FGFRL1: variants seen among roughly 807,000 people sequenced by gnomAD.
FGFRL1 encodes fibroblast growth factor receptor like 1, also known as fibroblast growth factor receptor-like 1.
A neutral mutation model predicts 36.8 loss-of-function variants in FGFRL1; 24 were observed. The observed-to-expected ratio is 0.65, with a 90% CI of 0.47 to 0.92. FGFRL1 has a LOEUF of 0.92. FGFRL1 is among the 40% of genes least tolerant of loss of function. The probability of loss-of-function intolerance (pLI) is 0.00; values close to 1 mark genes in which losing one functional copy is unlikely to be tolerated. For missense variants in FGFRL1, 785 were observed against 753.4 expected, an observed-to-expected ratio of 1.04 and a Z score of -0.49; for synonymous variants, 422 against 344.1, an observed-to-expected ratio of 1.23 and a Z score of -2.50.
intron 2 of FGFRL1, among the ~76,000 whole-genome samples, chr4:1,021,620 G>C (rs1162713032): frequency 6.6e-6 from 1 of 152,172 alleles, no homozygotes; most frequent in African/African-American, 2.4e-5. Context: ...GGCTCAGGCA[G>C]CCCGCCGTGC....
chr4:1,018,867 A>G (rs1716029430), intron 2 of FGFRL1, among the ~76,000 whole-genome samples: 1 of 151,980 alleles, frequency 6.6e-6, no homozygotes, highest in African/African-American at 2.4e-5. Flanking sequence ...TGGGCCGGCA[A>G]CAGCAGGGGG....
In FGFRL1 at chr4:1,024,121, C is replaced by A. The variant is rs1716360243; in HGVS notation, c.718+20C>A. 1 of 1,384,858 alleles carries A rather than the reference C, an allele frequency of 7.2e-7. No individual in the cohort carries two copies. Among genetic ancestry groups the A allele is most frequent in the African/African-American group, 1.5e-5 (1 of 66,674 alleles). 85.8% of individuals were successfully genotyped at this position (1,384,858 alleles called of 1,614,324 possible). A position where few individuals can be genotyped will look rare whatever the true frequency, so the allele number is the denominator to read the frequency against. ...TGATCCGTGAGTGTGGCCCCGGGCG[C>A]TGGCGGGCGGGGGGTGCTGGTGGGC... On this transcript the variant is annotated intron_variant, in intron 5 of 6. Transcript: ENST00000510644.
In FGFRL1 at chr4:1,025,034, C is replaced by T. The variant is rs1330221153; in HGVS notation, c.1202C>T (p.Ala401Val). ...LGTLLLWLCQ[A>V]QKKPCTPAPA... ...ACCCTGCTCCTGTGGCTTTGCCAGGCCCAGAAGAAGCCGTGCACCCCCGCG... is the reference window on the plus strand; with the variant it reads ...ACCCTGCTCCTGTGGCTTTGCCAGGTCCAGAAGAAGCCGTGCACCCCCGCG... Residue 401 changes from alanine (A) to valine (V), a missense_variant, in exon 7 of 7, where the codon GCC becomes GTC. Physicochemically the swap from Ala to Val is moderately conservative, Grantham distance 64. Transcript: ENST00000510644. The T allele has an allele frequency of 6.2e-7, 1 of 1,611,064 alleles. No homozygotes were observed. The highest frequency in any genetic ancestry group is 1.1e-5 in the South Asian group (1 of 91,054).
intron 3 of FGFRL1, among the ~76,000 whole-genome samples, chr4:1,022,795 C>A (rs562793728): frequency 1.1e-4 from 16 of 152,156 alleles, no homozygotes; most frequent in African/African-American, 3.4e-4. Flanking sequence ...TGCCGGCCGT[C>A]GGCTGTGACT....
intron 2 of FGFRL1, among the ~76,000 whole-genome samples, chr4:1,019,261 A>T (rs995727883): frequency 6.6e-6 from 1 of 152,318 alleles, no homozygotes; most frequent in South Asian, 2.1e-4. Flanking sequence ...GGGCTGGGTC[A>T]GTGTGCTCCC....
chr4:1,025,689 A>G lies in FGFRL1; in HGVS notation c.*342A>G. On this transcript the variant is annotated 3_prime_UTR_variant, in exon 7 of 7. Transcript: ENST00000510644. ...AGAACATACAAGGACATGCTGCCTG[A>G]ACATACACACGCACACCCATGCGCA... 2.5e-6 allele frequency: 1 copy of G among 401,928 alleles called. No homozygotes were observed. The highest frequency in any genetic ancestry group is 4.6e-6 in the Non-Finnish European group (1 of 218,662). The allele number at this position is 401,928 out of a possible 1,614,324, so 24.9% of individuals were successfully genotyped here.
Position 1,012,181 on chromosome 4 carries a change from G to C in FGFRL1, c.-17+227G>C, listed in dbSNP as rs1325588062. On this transcript the variant is annotated intron_variant, in intron 1 of 6. Coordinates refer to ENST00000510644, the MANE Select transcript of FGFRL1 (RefSeq NM_001004356.3). ...GCTAATGGCGCAGGCGATTATCTGC[G>C]GGGCGCTGAGTGTTGTGTGTCCTGC... 1.3e-5 allele frequency: 4 copies of C among 303,190 alleles called. No homozygotes were observed. The East Asian group carries it at 2.2e-4, about 17-fold the overall frequency. 18.8% of individuals were successfully genotyped at this position (303,190 alleles called of 1,614,324 possible).
At position 1,025,439 on chromosome 4, in the gene FGFRL1, C is replaced by G. The variant is rs1268855244; in HGVS notation, c.*92C>G. On this transcript the variant is annotated 3_prime_UTR_variant, in exon 7 of 7. Coordinates refer to ENST00000510644, the MANE Select transcript of FGFRL1 (RefSeq NM_001004356.3). ...GGAGCTGCAGACGAAGGCAGGGGACCCATGGCGAGGAGGAATGGCCAGCAC... is the reference window on the plus strand; with the variant it reads ...GGAGCTGCAGACGAAGGCAGGGGACGCATGGCGAGGAGGAATGGCCAGCAC... 4.8e-6 allele frequency: 7 copies of G among 1,454,858 alleles called. No homozygotes were observed. The highest frequency in any genetic ancestry group is 5.5e-6 in the Non-Finnish European group (6 of 1,086,266). 90.1% of individuals were successfully genotyped at this position (1,454,858 alleles called of 1,614,324 possible).
At chr4:1,022,175 GCTGA>G (rs769616390) in intron 2 of FGFRL1, 24 bp from the exon 3 acceptor site, 1 of 1,484,096 alleles carries the variant, frequency 6.7e-7, no homozygotes, top group Admixed American at 2.3e-5. Flanking sequence ...GCCCCTCCTC[GCTGA>G]CTGTTCCTCG....
At position 1,025,536 on chromosome 4, in the gene FGFRL1, G is replaced by A. The variant is rs768657932; in HGVS notation, c.*189G>A. 4 of 708,788 alleles carry A rather than the reference G, an allele frequency of 5.6e-6. No individual in the cohort carries two copies. The highest frequency in any genetic ancestry group is 6.9e-6 in the Non-Finnish European group (3 of 433,090). 43.9% of individuals were successfully genotyped at this position (708,788 alleles called of 1,614,324 possible). A position where few individuals can be genotyped will look rare whatever the true frequency, so the allele number is the denominator to read the frequency against. On this transcript the variant is annotated 3_prime_UTR_variant, in exon 7 of 7. Transcript: ENST00000510644. ...AGACACACACACTGCCTGGATGCAT[G>A]TATGCACACACATGCGCGCACACGT...
intron 2 of FGFRL1, among the ~76,000 whole-genome samples, chr4:1,012,972 G>A (rs1362924554): frequency 6.6e-6 from 1 of 152,228 alleles, no homozygotes; most frequent in Non-Finnish European, 1.5e-5. Flanking sequence ...CCCACGGAAG[G>A]CAGGATGGGC....
chr4:1,017,290 C>T (rs1715940318), intron 2 of FGFRL1, among the ~76,000 whole-genome samples: 1 of 151,154 alleles, frequency 6.6e-6, no homozygotes, highest in Admixed American at 6.6e-5. Flanking sequence ...GTTCGGCTGC[C>T]AGGACGCTCT....
In FGFRL1 at chr4:1,025,445, C is replaced by T. The variant is rs940327259; in HGVS notation, c.*98C>T. The T allele has an allele frequency of 7.7e-6, 11 of 1,434,072 alleles. No individual in the cohort carries two copies. The highest frequency in any genetic ancestry group is 4.2e-5 in the African/African-American group (3 of 70,600). The allele number at this position is 1,434,072 out of a possible 1,614,324, so 88.8% of individuals were successfully genotyped here. On this transcript the variant is annotated 3_prime_UTR_variant, in exon 7 of 7. Transcript: ENST00000510644. ...GCAGACGAAGGCAGGGGACCCATGG[C>T]GAGGAGGAATGGCCAGCACCCCAGG...
intron 2 of FGFRL1, among the ~76,000 whole-genome samples, chr4:1,019,685 C>G (rs768146235): frequency 1.3e-5 from 2 of 152,176 alleles, no homozygotes; most frequent in African/African-American, 2.4e-5. Context: ...GGCAGCCCCC[C>G]ACAGCCGCCA....
Position 1,026,272 on chromosome 4 carries a change from A to G in FGFRL1, c.*925A>G, listed in dbSNP as rs1439293586. 3 of 157,930 alleles carry G rather than the reference A, an allele frequency of 1.9e-5. No individual in the cohort carries two copies. Among genetic ancestry groups the G allele is most frequent in the African/African-American group, 7.2e-5 (3 of 41,418 alleles). The allele number at this position is 157,930 out of a possible 1,614,324, so 9.8% of individuals were successfully genotyped here. On this transcript the variant is annotated 3_prime_UTR_variant, in exon 7 of 7. Coordinates refer to ENST00000510644, the MANE Select transcript of FGFRL1 (RefSeq NM_001004356.3). ...TGCCTGGGCACACACTTCCGGACAC[A>G]CATGCACACACAGGTGCAGATATGC...
chr4:1,024,739 G>T lies in FGFRL1; in HGVS notation c.1072+75G>T, dbSNP rs76906375. 11,258 of 1,480,544 alleles carry T rather than the reference G, an allele frequency of 7.6e-3. 633 individuals carry two copies. In the African/African-American group the frequency reaches 0.13, roughly 17 times the overall value. 91.7% of individuals were successfully genotyped at this position (1,480,544 alleles called of 1,614,324 possible). Reference sequence around the variant, plus strand: ...CCCTGGGCCCGGCGTCCCACCCACCGGGTGGGGCCCCACCCTTCCCTCCCG... The same window carrying T: ...CCCTGGGCCCGGCGTCCCACCCACCTGGTGGGGCCCCACCCTTCCCTCCCG... On this transcript the variant is annotated intron_variant, in intron 6 of 6. Coordinates refer to ENST00000510644, the MANE Select transcript of FGFRL1 (RefSeq NM_001004356.3).
Position 1,022,247 on chromosome 4 carries a change from C to G in FGFRL1, c.124C>G (p.Arg42Gly), listed in dbSNP as rs746384176. The G allele has an allele frequency of 6.4e-7, 1 of 1,555,366 alleles. No individual in the cohort carries two copies. The highest frequency in any genetic ancestry group is 8.7e-7 in the Non-Finnish European group (1 of 1,148,122). Residue 42 changes from arginine to glycine, a missense_variant, in exon 3 of 7, where the codon CGG (arginine) becomes GGG (glycine). Transcript: ENST00000510644. ...ADKVVPRQVA[R>G]LGRTVRLQCP... ...CAAGGTGGTCCCACGGCAGGTGGCC[C>G]GGCTGGGCCGCACTGTGCGGCTGCA...
At position 1,023,743 on chromosome 4, in the gene FGFRL1, TG is replaced by T; in HGVS notation, c.433+28del. 1.3e-5 allele frequency: 11 copies of T among 868,290 alleles called. No individual in the cohort carries two copies. The highest frequency in any genetic ancestry group is 1.9e-5 in the Non-Finnish European group (11 of 574,280). The allele number at this position is 868,290 out of a possible 1,614,324, so 53.8% of individuals were successfully genotyped here. A position where few individuals can be genotyped will look rare whatever the true frequency, so the allele number is the denominator to read the frequency against. On this transcript the variant is annotated intron_variant, in intron 4 of 6. Coordinates refer to ENST00000510644, the MANE Select transcript of FGFRL1 (RefSeq NM_001004356.3). The surrounding 1 kb of genome is among the most constrained non-coding windows in gnomAD (Gnocchi z 6.0). ...TGGGGTGAGCAGGGGGTGACGGGGG[TG>T]GGGGGCGTCCGTCTGTCCCGGCCCC... is the stretch of plus-strand genomic sequence containing the variant.
intron 2 of FGFRL1, among the ~76,000 whole-genome samples, chr4:1,018,893 TG>T (rs1223572760): frequency 6.8e-6 from 1 of 146,564 alleles, no homozygotes; most frequent in Non-Finnish European, 1.5e-5. Context: ...GGAGCCCAGG[TG>T]GGGGTGGGAT....
Sources: gnomAD v4.1 joint callset for allele counts (sites outside exome capture counted in the v4.1 genomes callset) on GRCh38, gnomAD v4.1.1 for gene constraint, Gnocchi (gnomAD v3.1) non-coding constraint, MANE v1.5 for transcripts, NCBI Gene and HGNC (gene_info 2026-07-23, HGNC 2026-07-21) for gene names.